Variants in LILRB4 observed in about 807,000 individuals in gnomAD.
LILRB4 encodes leukocyte immunoglobulin-like receptor subfamily B member 4.
Under a neutral mutation model 55.2 loss-of-function variants are expected in LILRB4, and 49 were observed. That is an observed-to-expected ratio of 0.89 (90% CI 0.71 to 1.13). The LOEUF (loss-of-function observed/expected upper bound fraction) is 1.13, where lower values mean the gene tolerates loss of function less well. LILRB4 is among the 50% of genes most tolerant of loss of function. The pLI is 0.00. For synonymous variants in LILRB4, 229 were observed against 213.8 expected, an observed-to-expected ratio of 1.07 and a Z score of -0.62; for missense variants, 590 against 555.2, an observed-to-expected ratio of 1.06 and a Z score of -0.63.
At position 54,666,105 on chromosome 19, in the gene LILRB4, G is replaced by A. The variant is rs1041915461; in HGVS notation, c.875-135G>A. On this transcript the variant is annotated intron_variant, in intron 7 of 11. Coordinates refer to ENST00000430952, the Ensembl canonical transcript of LILRB4. This position sits in a 1 kb window ranked among gnomAD's most constrained non-coding sequence, Gnocchi z 4.8. Reference sequence around the variant, plus strand: ...AGTAATGGAAGTGCTTTATTCTTTCGGTTTTTCTAAACTTAGAAAGTATTT... The same window carrying A: ...AGTAATGGAAGTGCTTTATTCTTTCAGTTTTTCTAAACTTAGAAAGTATTT... The A allele has an allele frequency of 3.8e-5, 47 of 1,238,958 alleles. No individual in the cohort carries two copies. Among genetic ancestry groups the A allele is most frequent in the African/African-American group, 3.0e-5 (2 of 65,814 alleles). The allele number at this position is 1,238,958 out of a possible 1,614,324, so 76.7% of individuals were successfully genotyped here. A position where few individuals can be genotyped will look rare whatever the true frequency, so the allele number is the denominator to read the frequency against.
chr19:54,663,804 T>A (rs1158073936), exon 3 of LILRB4: 3 of 1,614,046 alleles, frequency 1.9e-6, no homozygotes, highest in Non-Finnish European at 2.5e-6. Flanking sequence ...TGTGATCAGC[T>A]GGGGGAACTC....
At position 54,667,534 on chromosome 19, in the gene LILRB4, A is replaced by G. The variant is rs188968611; in HGVS notation, c.1042-104A>G. On this transcript the variant is annotated intron_variant, in intron 10 of 11. Transcript: ENST00000430952. ...CTTAGGGCATCCCTGAGATTCCGTC[A>G]GGAAAGGGATGTAATCGGATCACCC... 1.0e-3 allele frequency: 1,610 copies of G among 1,559,708 alleles called. 5 individuals carry two copies. Among genetic ancestry groups the G allele is most frequent in the African/African-American group, 4.5e-3 (330 of 73,278 alleles).
intron 1 of LILRB4, 141 bp downstream of exon 1, chr19:54,663,208 A>G: frequency 1.0e-6 from 1 of 979,048 alleles, no homozygotes; most frequent in Non-Finnish European, 1.5e-6. Flanking sequence ...GCACTTTGGG[A>G]GGCCGAGGCG....
intron 10 of LILRB4, chr19:54,667,072 G>C (rs1183292486): frequency 3.2e-6 from 2 of 629,946 alleles, no homozygotes; most frequent in Non-Finnish European, 6.0e-6. Context: ...CATCTAGTGA[G>C]TGTTCCCAGG....
chr19:54,667,531 G>T, intron 10 of LILRB4, 104 bp from the exon 11 acceptor site: 3 of 1,553,710 alleles, frequency 1.9e-6, no homozygotes, highest in Non-Finnish European at 2.6e-6. Context: ...CTGAGATTCC[G>T]TCAGGAAAGG....
At chr19:54,663,758 C>T in exon 3 of LILRB4, 2 of 1,614,002 alleles carry the variant, frequency 1.2e-6, no homozygotes, top group African/African-American at 1.3e-5. Flanking sequence ...TTCCAGGGCC[C>T]CTCCCCAAAC....
chr19:54,664,527 G>A (rs375401811), intron 4 of LILRB4, 42 bp downstream of exon 4: 101 of 1,545,024 alleles, frequency 6.5e-5, no homozygotes, highest in Middle Eastern at 1.8e-4. Flanking sequence ...CAGTGGCTCC[G>A]TTCATGCCCT....
chr19:54,663,370 C>T (rs959208246), intron 1 of LILRB4, among the ~76,000 whole-genome samples, 162 bp from the exon 2 acceptor site: 3 of 140,994 alleles, frequency 2.1e-5, no homozygotes, highest in South Asian at 2.3e-4. Flanking sequence ...GGCGTGAACC[C>T]GGGAGGCGGA....
In LILRB4 at chr19:54,665,853, G is replaced by A; in HGVS notation, c.796G>A (p.Val266Met). The A allele has an allele frequency of 6.2e-7, 1 of 1,613,366 alleles. No individual in the cohort carries two copies. The highest frequency in any genetic ancestry group is 8.5e-7 in the Non-Finnish European group (1 of 1,179,698). The change falls in exon 7 of 12, where the codon GTG (valine) becomes ATG (methionine). Residue 266 changes from valine (V) to methionine (M), a missense_variant. Coordinates refer to ENST00000430952, the Ensembl canonical transcript of LILRB4. The surrounding 1 kb of genome is among the most constrained non-coding windows in gnomAD (Gnocchi z 5.5). Reference sequence around the variant, plus strand: ...CTGGGAGGTACTGATCGGGGTCTTGGTGGTCTCCATCCTGCTTCTCTCCCT... The same window carrying A: ...CTGGGAGGTACTGATCGGGGTCTTGATGGTCTCCATCCTGCTTCTCTCCCT...
At chr19:54,663,501 G>T in intron 1 of LILRB4, 31 bp from the exon 2 acceptor site, 1 of 1,611,610 alleles carries the variant, frequency 6.2e-7, no homozygotes, top group Admixed American at 1.7e-5. Context: ...AGGCTTCCGG[G>T]GCAAATCCCT....
In LILRB4 at chr19:54,665,686, C is replaced by A; in HGVS notation, c.758-129C>A. ...AAATGGGTGGAGAGAGGGTGGCAAT[C>A]TCAGGTTGCACAACTGCTGTGAGGG... On this transcript the variant is annotated intron_variant, in intron 6 of 11. Transcript: ENST00000430952. The surrounding 1 kb of genome is among the most constrained non-coding windows in gnomAD (Gnocchi z 5.5). The A allele has an allele frequency of 8.7e-7, 1 of 1,149,756 alleles. No homozygotes were observed. Among genetic ancestry groups the A allele is most frequent in the Non-Finnish European group, 1.3e-6 (1 of 782,882 alleles). 71.2% of individuals were successfully genotyped at this position (1,149,756 alleles called of 1,614,324 possible).
intron 1 of LILRB4, 117 bp downstream of exon 1, chr19:54,663,184 C>A: frequency 8.4e-7 from 1 of 1,184,396 alleles, no homozygotes; most frequent in Non-Finnish European, 1.2e-6. Context: ...CGGTGGCTCA[C>A]GCCTGTAATC....
rs540647872 is a variant in LILRB4 at position 54,665,503 on chromosome 19, G to A, written c.758-312G>A. 6.6e-6 allele frequency among the ~76,000 whole-genome samples: 1 copy of A among 152,194 alleles called. No homozygotes were observed. The highest frequency in any genetic ancestry group is 2.1e-4 in the South Asian group (1 of 4,818). On this transcript the variant is annotated intron_variant, in intron 6 of 11. Coordinates refer to ENST00000430952, the Ensembl canonical transcript of LILRB4. The surrounding 1 kb of genome is among the most constrained non-coding windows in gnomAD (Gnocchi z 5.5). ...GGGAGCAGGGCGGTGGTTCAAGACA[G>A]TCAGGCTCTTTCCCTGCAACTCTGG...
Position 54,665,029 on chromosome 19 carries a change from A to G in LILRB4, c.707-101A>G, listed in dbSNP as rs2146391880. ...CCAAGGCCCTGAGGCTGGGCTGGTG[A>G]GGGGTGAGGGGGTCAAGGCTGAAGG... On this transcript the variant is annotated intron_variant, in intron 5 of 11. Transcript: ENST00000430952. This position sits in a 1 kb window ranked among gnomAD's most constrained non-coding sequence, Gnocchi z 5.5. The G allele has an allele frequency of 6.8e-7, 1 of 1,479,450 alleles. No homozygotes were observed. Among genetic ancestry groups the G allele is most frequent in the Non-Finnish European group, 9.4e-7 (1 of 1,066,544 alleles). The allele number at this position is 1,479,450 out of a possible 1,614,324, so 91.6% of individuals were successfully genotyped here.
At chr19:54,663,906 C>T in exon 3 of LILRB4, 1 of 1,614,174 alleles carries the variant, frequency 6.2e-7, no homozygotes, top group Non-Finnish European at 8.5e-7. Context: ...ACAGAACCCA[C>T]TGGAGCCCAA....
Position 54,665,689 on chromosome 19 carries a change from A to C in LILRB4, c.758-126A>C, listed in dbSNP as rs533883164. The C allele has an allele frequency of 2.0e-3, 2,343 of 1,157,304 alleles. 60 individuals carry two copies. In the South Asian group the frequency reaches 0.029, roughly 14 times the overall value. The allele number at this position is 1,157,304 out of a possible 1,614,324, so 71.7% of individuals were successfully genotyped here. A position where few individuals can be genotyped will look rare whatever the true frequency, so the allele number is the denominator to read the frequency against. On this transcript the variant is annotated intron_variant, in intron 6 of 11. Coordinates refer to ENST00000430952, the Ensembl canonical transcript of LILRB4. This position sits in a 1 kb window ranked among gnomAD's most constrained non-coding sequence, Gnocchi z 5.5. ...TGGGTGGAGAGAGGGTGGCAATCTC[A>C]GGTTGCACAACTGCTGTGAGGGTTG...
rs974739174 is a variant in LILRB4, at chr19:54,663,929, A to T, written c.246A>T (p.Arg82Ser). 1.9e-6 allele frequency: 3 copies of T among 1,614,118 alleles called. No homozygotes were observed. The Admixed American group carries it at 5.0e-5, about 27-fold the overall frequency. ...CACTGGAGCCCAAGAACAAGGCCAG[A>T]TTCTCCATCCCATCCATGACAGAGG... is the stretch of plus-strand genomic sequence containing the variant. Residue 82 changes from arginine to serine, a missense_variant, in exon 3 of 12, where the codon AGA (arginine) becomes AGT (serine). Physicochemically the swap from Arg to Ser is moderately radical, Grantham distance 110. Coordinates refer to ENST00000430952, the Ensembl canonical transcript of LILRB4.
At chr19:54,663,679 G>T (rs1568638537) in intron 2 of LILRB4, 75 bp from the exon 3 acceptor site, 1 of 1,608,204 alleles carries the variant, frequency 6.2e-7, no homozygotes, top group South Asian at 1.1e-5. Context: ...AGGATGACGG[G>T]GGGGTCCTGG....
At position 54,666,181 on chromosome 19, in the gene LILRB4, T is replaced by C. The variant is rs1424751561; in HGVS notation, c.875-59T>C. 8 of 1,462,670 alleles carry C rather than the reference T, an allele frequency of 5.5e-6. No individual in the cohort carries two copies. Among genetic ancestry groups the C allele is most frequent in the African/African-American group, 2.8e-5 (2 of 70,494 alleles). The allele number at this position is 1,462,670 out of a possible 1,614,324, so 90.6% of individuals were successfully genotyped here. A position where few individuals can be genotyped will look rare whatever the true frequency, so the allele number is the denominator to read the frequency against. On this transcript the variant is annotated intron_variant, in intron 7 of 11. Transcript: ENST00000430952. The surrounding 1 kb of genome is among the most constrained non-coding windows in gnomAD (Gnocchi z 4.8). The stretch of plus-strand genomic sequence containing the variant: ...AGGTTTCCTTTCCTCTTGACTTGCA[T>C]GTGCAAGGCAGGTGGTTCTAACGTT...
Sources: allele counts gnomAD v4.1 joint callset (sites outside exome capture counted in the v4.1 genomes callset), GRCh38; gene constraint gnomAD v4.1.1; non-coding constraint Gnocchi (gnomAD v3.1); transcripts MANE v1.5; gene names NCBI Gene and HGNC (gene_info 2026-07-23, HGNC 2026-07-21).